The following DCBLD1 variants were observed in gnomAD, a reference collection of about 807,000 sequenced individuals.
DCBLD1 encodes discoidin, CUB and LCCL domain-containing protein 1.
Under a neutral mutation model 71.5 loss-of-function variants are expected in DCBLD1, and 57 were observed. That is an observed-to-expected ratio of 0.80 (90% CI 0.64 to 0.99). The LOEUF (loss-of-function observed/expected upper bound fraction) is 0.99, where lower values mean the gene tolerates loss of function less well. Ranked by LOEUF, DCBLD1 falls within the 50% of genes least tolerant of loss-of-function variation. The pLI is 0.00. For missense variants in DCBLD1, 891 were observed against 923.5 expected (o/e 0.96, Z 0.46); for synonymous variants, 380 against 363.8 (o/e 1.04, Z -0.51).
intron 14 of DCBLD1, among the ~76,000 whole-genome samples, chr6:117,557,464 A>G (rs1401985989): frequency 6.6e-6 from 1 of 152,172 alleles, no homozygotes; most frequent in Admixed American, 6.5e-5. Context: ...TTACACCCTG[A>G]TCAAGCACTC....
At chr6:117,547,636 C>T (rs1256196568) in intron 14 of DCBLD1, 2 of 711,836 alleles carry the variant, frequency 2.8e-6, no homozygotes, top group East Asian at 2.9e-5. Flanking sequence ...CACTTCCTCC[C>T]TGAAGTATGT....
chr6:117,504,453 G>A (rs771919537), intron 2 of DCBLD1, among the ~76,000 whole-genome samples: 1 of 152,158 alleles, frequency 6.6e-6, no homozygotes, highest in South Asian at 2.1e-4. Context: ...GAAAGAAAAG[G>A]AATAATGAAA....
chr6:117,558,564 T>C (rs1393204569), intron 14 of DCBLD1, among the ~76,000 whole-genome samples: 3 of 152,226 alleles, frequency 2.0e-5, no homozygotes, highest in African/African-American at 4.8e-5. Flanking sequence ...TTCACAATTA[T>C]GATTTATTAC....
At chr6:117,532,479 G>A in intron 6 of DCBLD1, 86 bp downstream of exon 6, 37 of 1,436,248 alleles carry the variant, frequency 2.6e-5, no homozygotes, top group Non-Finnish European at 3.3e-5. Context: ...TGAAAAGACA[G>A]CAGGGATGTG....
At chr6:117,514,939 G>T in intron 2 of DCBLD1, among the ~76,000 whole-genome samples, 1 of 148,150 alleles carries the variant, frequency 6.7e-6, no homozygotes. Context: ...CCTTTCAACT[G>T]TTTCATAAAA....
intron 1 of DCBLD1, among the ~76,000 whole-genome samples, chr6:117,489,743 G>T (rs1777220668): frequency 6.6e-6 from 1 of 152,158 alleles, no homozygotes; most frequent in Non-Finnish European, 1.5e-5. Flanking sequence ...AAATTAGCCG[G>T]GCGTGGTGGC....
rs781450134 is a variant in DCBLD1 at position 117,540,739 on chromosome 6, T to G, written c.1173T>G (p.Tyr391Ter). Reference sequence around the variant, plus strand: ...TCATCCCTCCCATCGTGGCCAGATATGTGCGGGTTGTCCCCCAGACATGGC... The same window carrying G: ...TCATCCCTCCCATCGTGGCCAGATAGGTGCGGGTTGTCCCCCAGACATGGC... ...NNFIPPIVAR[Y>*]VRVVPQTWHQ... The change falls in exon 10 of 15, where the codon TAT becomes TAG. Residue 391 changes from tyrosine (Y) to a stop codon, truncating the protein, a stop_gained. Coordinates refer to ENST00000338728, the MANE Select transcript of DCBLD1 (RefSeq NM_001366458.2). LOFTEE classifies it high-confidence loss of function. 1 of 1,614,218 alleles carries G rather than the reference T, an allele frequency of 6.2e-7. No homozygotes were observed. The highest frequency in any genetic ancestry group is 1.3e-5 in the African/African-American group (1 of 75,048).
Position 117,548,204 on chromosome 6 carries a change from G to C in DCBLD1, c.1913G>C (p.Gly638Ala). ...CACAAACACTCCCTCTCCTCGGGCG[G>C]CTTCTCCCCCGTAGCGGGTGTGGGC... The part of the protein sequence containing the change: ...PGHKHSLSSG[G>A]FSPVAGVGAQ... Residue 638 changes from glycine (G) to alanine (A), a missense_variant, in exon 15 of 15, where the codon GGC (glycine) becomes GCC (alanine). Coordinates refer to ENST00000338728, the MANE Select transcript of DCBLD1 (RefSeq NM_001366458.2). 1.3e-6 allele frequency: 2 copies of C among 1,550,494 alleles called. No individual in the cohort carries two copies. The highest frequency in any genetic ancestry group is 1.7e-6 in the Non-Finnish European group (2 of 1,146,964).
At chr6:117,565,166 C>T (rs1402997037) in intron 14 of DCBLD1, among the ~76,000 whole-genome samples, 1 of 151,938 alleles carries the variant, frequency 6.6e-6, no homozygotes, top group Non-Finnish European at 1.5e-5. Context: ...CTCTATGTTC[C>T]AAACAAAAAA....
intron 11 of DCBLD1, among the ~76,000 whole-genome samples, chr6:117,541,682 CAAAT>C (rs1779102402): frequency 2.0e-5 from 3 of 152,136 alleles, no homozygotes; most frequent in Admixed American, 2.0e-4. Flanking sequence ...TAGAAAAACA[CAAAT>C]AAGAAAACAA....
At chr6:117,563,308 G>A (rs1314190224) in intron 14 of DCBLD1, 16 of 1,612,448 alleles carry the variant, frequency 9.9e-6, no homozygotes, top group Admixed American at 1.7e-5. Context: ...TTGAAGCACC[G>A]TCATCTAGCG....
intron 1 of DCBLD1, among the ~76,000 whole-genome samples, chr6:117,492,994 G>C (rs80099295): frequency 0.031 from 4,650 of 152,194 alleles, 85 homozygotes; most frequent in Non-Finnish European, 0.038. Context: ...ACTATAGATC[G>C]TGGAACTTAT....
downstream of DCBLD1, among the ~76,000 whole-genome samples, chr6:117,554,270 A>G (rs931385245): frequency 4.6e-5 from 7 of 152,242 alleles, no homozygotes; most frequent in African/African-American, 1.7e-4. Flanking sequence ...TTCCAGTACC[A>G]TATTAAATAC....
intron 6 of DCBLD1, among the ~76,000 whole-genome samples, chr6:117,535,840 CT>C (rs1778865193): frequency 6.6e-6 from 1 of 152,160 alleles, no homozygotes; most frequent in Non-Finnish European, 1.5e-5. Context: ...TGATTAGCGC[CT>C]TTCTTTAAGT....
intron 6 of DCBLD1, among the ~76,000 whole-genome samples, chr6:117,536,753 A>T (rs1202354211): frequency 6.6e-6 from 1 of 152,202 alleles, no homozygotes; most frequent in East Asian, 1.9e-4. Context: ...GGGACACTTT[A>T]AGGTGACTGC....
At chr6:117,568,294 T>C (rs1021304445) in intron 14 of DCBLD1, among the ~76,000 whole-genome samples, 1 of 152,198 alleles carries the variant, frequency 6.6e-6, no homozygotes, top group Non-Finnish European at 1.5e-5. Flanking sequence ...CCACTACATA[T>C]AAGTGTGGTG....
intron 1 of DCBLD1, among the ~76,000 whole-genome samples, chr6:117,483,341 C>A (rs539991791): frequency 6.6e-6 from 1 of 152,196 alleles, no homozygotes; most frequent in African/African-American, 2.4e-5. Flanking sequence ...TGGGCCCTGC[C>A]CTCCCTGCCG....
chr6:117,556,809 C>T (rs1156958902), intron 14 of DCBLD1, among the ~76,000 whole-genome samples: 1 of 152,080 alleles, frequency 6.6e-6, no homozygotes, highest in East Asian at 1.9e-4. Flanking sequence ...TACTGTTTTC[C>T]GTAAAGGTTG....
At chr6:117,527,133 A>G (rs965162199) in intron 5 of DCBLD1, among the ~76,000 whole-genome samples, 4 of 152,222 alleles carry the variant, frequency 2.6e-5, no homozygotes, top group Non-Finnish European at 5.9e-5. Flanking sequence ...CTCAAAGCAA[A>G]CAAGGGAGAG....
Sources: gnomAD v4.1 joint callset for allele counts (sites outside exome capture counted in the v4.1 genomes callset) on GRCh38, gnomAD v4.1.1 for gene constraint, MANE v1.5 for transcripts, NCBI Gene and HGNC (gene_info 2026-07-23, HGNC 2026-07-21) for gene names.